Variants in C1QTNF7 observed in about 807,000 individuals in gnomAD.
C1QTNF7 encodes the protein C1q and TNF related 7, also known as complement C1q tumor necrosis factor-related protein 7.
In C1QTNF7, 15 loss-of-function variants were observed where a neutral mutation model predicts 19.6. That is an observed-to-expected ratio of 0.76 (90% confidence interval 0.51 to 1.18). The LOEUF (loss-of-function observed/expected upper bound fraction) is 1.18. Ranked by LOEUF, C1QTNF7 falls within the 50% of genes most tolerant of loss-of-function variation. C1QTNF7 has a pLI of 0.00. For synonymous variants in C1QTNF7, 142 were observed against 137.5 expected (o/e 1.03, Z -0.23); for missense variants, 324 against 359.7 (o/e 0.90, Z 0.80).
At chr4:15,345,431 G>A (rs1451211486) in intron 1 of C1QTNF7, among the ~76,000 whole-genome samples, 1 of 152,186 alleles carries the variant, frequency 6.6e-6, no homozygotes, top group East Asian at 1.9e-4. Context: ...TCTCACAGAT[G>A]CACCGACCCC....
At chr4:15,359,708 G>T (rs1012909158) in intron 1 of C1QTNF7, among the ~76,000 whole-genome samples, 7 of 152,054 alleles carry the variant, frequency 4.6e-5, no homozygotes, top group African/African-American at 1.7e-4. Flanking sequence ...GACCTTAGAG[G>T]CTGTCAATCA....
At chr4:15,417,652 G>C (rs535388518) in intron 1 of C1QTNF7, among the ~76,000 whole-genome samples, 1 of 152,326 alleles carries the variant, frequency 6.6e-6, no homozygotes, top group East Asian at 1.9e-4. Context: ...AGATACTTGA[G>C]AGGCTGAGGT....
upstream of C1QTNF7, among the ~76,000 whole-genome samples, chr4:15,424,282 T>A (rs185200939): frequency 6.6e-6 from 1 of 152,184 alleles, no homozygotes; most frequent in East Asian, 1.9e-4. Context: ...TCTTCCCCCA[T>A]CTCCTGCCAC....
chr4:15,359,577 T>A (rs563695596), intron 1 of C1QTNF7, among the ~76,000 whole-genome samples: 3 of 152,154 alleles, frequency 2.0e-5, no homozygotes, highest in African/African-American at 4.8e-5. Context: ...GGGATTGTGA[T>A]GCCACATCCC....
chr4:15,343,465 C>G (rs957970401), intron 1 of C1QTNF7, among the ~76,000 whole-genome samples: 1 of 151,176 alleles, frequency 6.6e-6, no homozygotes, highest in African/African-American at 2.4e-5. Context: ...CTATGTTCAA[C>G]TTTTAGGAGG....
chr4:15,366,443 G>A (rs755568456), intron 1 of C1QTNF7, among the ~76,000 whole-genome samples: 5 of 152,122 alleles, frequency 3.3e-5, no homozygotes, highest in Admixed American at 6.6e-5. Context: ...GAAAAACTGC[G>A]GATAGTCCCC....
chr4:15,415,413 T>C (rs1719565874), intron 1 of C1QTNF7, among the ~76,000 whole-genome samples: 1 of 152,228 alleles, frequency 6.6e-6, no homozygotes, highest in African/African-American at 2.4e-5. Context: ...GTTCGTTAGA[T>C]GAGTAGAGCA....
intron 1 of C1QTNF7, among the ~76,000 whole-genome samples, chr4:15,387,934 A>T (rs1357928529): frequency 6.6e-6 from 1 of 152,170 alleles, no homozygotes; most frequent in East Asian, 1.9e-4. Flanking sequence ...TGCTCTAGTG[A>T]TGTCATGAAG....
intron 2 of C1QTNF7, among the ~76,000 whole-genome samples, chr4:15,440,809 T>G (rs1712729845): frequency 6.6e-6 from 1 of 152,144 alleles, no homozygotes; most frequent in African/African-American, 2.4e-5. Context: ...TGTAGCATGT[T>G]GAGCCCTCGC....
At chr4:15,414,710 ACT>A (rs1162729807) in intron 1 of C1QTNF7, among the ~76,000 whole-genome samples, 6 of 151,146 alleles carry the variant, frequency 4.0e-5, no homozygotes, top group Non-Finnish European at 8.9e-5. Flanking sequence ...AGCCCTCAAA[ACT>A]CTCAGTAGAA....
intron 1 of C1QTNF7, among the ~76,000 whole-genome samples, chr4:15,375,566 A>C (rs1338516817): frequency 6.6e-6 from 1 of 152,228 alleles, no homozygotes; most frequent in Non-Finnish European, 1.5e-5. Flanking sequence ...AGTTAAAAGA[A>C]ATACAACAAA....
At chr4:15,362,046 T>C (rs1560341991) in intron 1 of C1QTNF7, among the ~76,000 whole-genome samples, 1 of 152,174 alleles carries the variant, frequency 6.6e-6, no homozygotes, top group Non-Finnish European at 1.5e-5. Context: ...CCAATCCAAC[T>C]GGGTGGATTT....
At chr4:15,438,414 C>T (rs924110933) in intron 2 of C1QTNF7, among the ~76,000 whole-genome samples, 3 of 152,126 alleles carry the variant, frequency 2.0e-5, no homozygotes, top group Admixed American at 6.5e-5. Context: ...CTCCCTGTTT[C>T]CCCTTTAATG....
At chr4:15,401,933 C>A (rs574555400) in intron 1 of C1QTNF7, among the ~76,000 whole-genome samples, 1 of 152,094 alleles carries the variant, frequency 6.6e-6, no homozygotes, top group East Asian at 1.9e-4. Flanking sequence ...AAAAGGGAGG[C>A]TGACATACCC....
chr4:15,381,214 A>C (rs1427030390), intron 1 of C1QTNF7, among the ~76,000 whole-genome samples: 3 of 151,986 alleles, frequency 2.0e-5, no homozygotes, highest in African/African-American at 4.8e-5. Flanking sequence ...TCAGAAGATC[A>C]AGACAATCCT....
In C1QTNF7 at chr4:15,442,410, G is replaced by A; in HGVS notation, c.481G>A (p.Glu161Lys). 1 of 1,614,186 alleles carries A rather than the reference G, an allele frequency of 6.2e-7. No individual in the cohort carries two copies. Among genetic ancestry groups the A allele is most frequent in the Non-Finnish European group, 8.5e-7 (1 of 1,180,022 alleles). ...SVGITTSYPE[E>K]RLPIIFNKVL... ...TGGCATCACAACCAGCTACCCAGAA[G>A]AAAGACTACCTATTATATTTAACAA... is the stretch of plus-strand genomic sequence containing the variant. The change falls in exon 3 of 3, where the codon GAA becomes AAA. Residue 161 changes from glutamate (E) to lysine (K), a missense_variant. Transcript: ENST00000444304.
In C1QTNF7 at chr4:15,408,532, G is replaced by A. The variant is rs577031714; in HGVS notation, c.14-27204G>A. Among the ~76,000 whole-genome samples, 22 of 152,144 alleles carry A rather than the reference G, an allele frequency of 1.4e-4. 1 individual carries two copies. The South Asian group carries it at 4.4e-3, about 30-fold the overall frequency. ...TACAGATAAGAATGTATGTATGTATGTATATATGGATAAGTATGTATGTAC... is the reference window on the plus strand; with the variant it reads ...TACAGATAAGAATGTATGTATGTATATATATATGGATAAGTATGTATGTAC... On this transcript the variant is annotated intron_variant, in intron 1 of 2. Coordinates refer to the C1QTNF7 transcript ENST00000295297.
chr4:15,383,048 C>G (rs1417104693), intron 1 of C1QTNF7, among the ~76,000 whole-genome samples: 1 of 152,164 alleles, frequency 6.6e-6, no homozygotes, highest in Non-Finnish European at 1.5e-5. Context: ...TAAGGACACT[C>G]AAATGTCAAC....
intron 1 of C1QTNF7, among the ~76,000 whole-genome samples, chr4:15,378,505 C>T (rs1415247681): frequency 1.3e-5 from 2 of 152,166 alleles, no homozygotes; most frequent in African/African-American, 2.4e-5. Context: ...GCTTTTTCAA[C>T]ATGTTCTTCC....
Sources: gnomAD v4.1 joint callset for allele counts (sites outside exome capture counted in the v4.1 genomes callset) on GRCh38, gnomAD v4.1.1 for gene constraint, MANE v1.5 for transcripts, NCBI Gene and HGNC (gene_info 2026-07-23, HGNC 2026-07-21) for gene names.